Variants in SCN10A observed in about 807,000 individuals in gnomAD.
The protein encoded by SCN10A is sodium voltage-gated channel alpha subunit 10, also known as sodium channel protein type 10 subunit alpha.
Under a neutral mutation model 170.7 loss-of-function variants are expected in SCN10A, and 162 were observed. That is an observed-to-expected ratio of 0.95 (90% CI 0.84 to 1.08). The LOEUF (loss-of-function observed/expected upper bound fraction) is 1.08. Among genes scored for constraint, SCN10A ranks in the 50% least tolerant of loss-of-function variants. The probability of loss-of-function intolerance (pLI) is 0.00; values close to 1 mark genes in which losing one functional copy is unlikely to be tolerated. For missense variants in SCN10A, 2,527 were observed against 2,436.9 expected (o/e 1.04, Z -0.78); for synonymous variants, 985 against 904.6 (o/e 1.09, Z -1.59).
At chr3:38,725,377 G>A in intron 17 of SCN10A, 63 bp from the exon 18 acceptor site, 3 of 1,471,526 alleles carry the variant, frequency 2.0e-6, no homozygotes, top group South Asian at 2.9e-5. Flanking sequence ...TTCTAAATTT[G>A]AAGGGATCTT....
rs202192818 is a variant in SCN10A at position 38,771,406 on chromosome 3, A to C, written c.472T>G (p.Tyr158Asp). ...AAGGTGTAAATGACAGTGAAGACAT[A>C]TCTGGGAAGGAGGGTAGAAAAGGAG... ...TRTDLPEKIE[Y>D]VFTVIYTFEA... is the part of the protein sequence containing the mutation. Residue 158 changes from tyrosine (Y) to aspartate (D), a missense_variant and splice_region_variant, in exon 5 of 28, where the codon TAT (tyrosine) becomes GAT (aspartate). By Grantham distance (160) the Tyr-to-Asp change is radical. Coordinates refer to ENST00000449082, the MANE Select transcript of SCN10A (RefSeq NM_006514.4). 4.0e-4 allele frequency: 642 copies of C among 1,613,694 alleles called. 1 individual carries two copies. The highest frequency in any genetic ancestry group is 4.9e-4 in the Non-Finnish European group (583 of 1,179,790).
Position 38,698,280 on chromosome 3 carries a change from A to C in SCN10A, c.4940T>G (p.Phe1647Cys), listed in dbSNP as rs1193262126. Residue 1647 changes from phenylalanine to cysteine, a missense_variant, in exon 28 of 28, where the codon TTC (phenylalanine) becomes TGC (cysteine). Transcript: ENST00000449082. ...GAAGAGGCACAGCATGCTGTTGGCG[A>C]AGGTCTGGAAGTTGAACATGTCGTC... The part of the protein sequence containing the change: ...GIDDMFNFQT[F>C]ANSMLCLFQI... The C allele has an allele frequency of 6.2e-7, 1 of 1,614,126 alleles. No individual in the cohort carries two copies. The highest frequency in any genetic ancestry group is 8.5e-7 in the Non-Finnish European group (1 of 1,180,028).
intron 27 of SCN10A, among the ~76,000 whole-genome samples, chr3:38,699,709 G>T (rs2063137318): frequency 6.6e-6 from 1 of 151,932 alleles, no homozygotes; most frequent in African/African-American, 2.4e-5. Context: ...TACATTATTT[G>T]TCTACATACT....
chr3:38,809,998 C>G (rs1037933389), intron 1 of SCN10A, among the ~76,000 whole-genome samples: 5 of 152,130 alleles, frequency 3.3e-5, no homozygotes, highest in African/African-American at 1.2e-4. Context: ...ATGAATGCCA[C>G]ATACACATTG....
At chr3:38,767,968 C>G (rs938822892) in intron 5 of SCN10A, among the ~76,000 whole-genome samples, 16 of 151,720 alleles carry the variant, frequency 1.1e-4, no homozygotes, top group Admixed American at 5.3e-4. Flanking sequence ...TCCATTAGAC[C>G]AATTATTTTA....
intron 15 of SCN10A, among the ~76,000 whole-genome samples, chr3:38,729,937 G>C (rs555294563): frequency 3.3e-5 from 5 of 152,210 alleles, no homozygotes; most frequent in Non-Finnish European, 7.3e-5. Context: ...TGATGGGGGA[G>C]AGCGGGTCCA....
In SCN10A at chr3:38,793,777, G is replaced by C; in HGVS notation, c.234C>G (p.Pro78=). ...GELPAELIGE[P]LEDLDPFYST... Reference sequence around the variant, plus strand: ...TGTAGAACGGATCTAGATCCTCCAGGGGCTCCCCGATCAGTTCTGCTGGGA... The same window carrying C: ...TGTAGAACGGATCTAGATCCTCCAGCGGCTCCCCGATCAGTTCTGCTGGGA... Residue 78 remains proline, a synonymous_variant, in exon 2 of 28, where the codon CCC becomes CCG. Transcript: ENST00000449082. The C allele has an allele frequency of 6.2e-7, 1 of 1,613,780 alleles. No individual in the cohort carries two copies.
intron 19 of SCN10A, 75 bp downstream of exon 19, chr3:38,723,355 C>T (rs2063414989): frequency 7.0e-6 from 11 of 1,569,620 alleles, no homozygotes; most frequent in African/African-American, 1.3e-5. Context: ...CTGTGGATCC[C>T]AGGTGAGTGT....
intron 4 of SCN10A, among the ~76,000 whole-genome samples, chr3:38,782,465 C>T (rs1434799967): frequency 1.3e-5 from 2 of 152,034 alleles, no homozygotes. Flanking sequence ...TTTCCATTCT[C>T]TTTCTCTTTG....
rs989152020 is a variant in SCN10A, at chr3:38,772,584, G to A, written c.471-1177C>T. Among the ~76,000 whole-genome samples, 11 of 152,234 alleles carry A rather than the reference G, an allele frequency of 7.2e-5. No homozygotes were observed. The East Asian group carries it at 2.1e-3, about 29-fold the overall frequency. The stretch of plus-strand genomic sequence containing the variant: ...GGCACCTGTAGTTCCAGCTACTCCG[G>A]AGGCTGAGGCGGGAGAATGGCGTGA... On this transcript the variant is annotated intron_variant, in intron 4 of 27. Transcript: ENST00000449082.
At chr3:38,742,091 A>G (rs1009929394) in intron 14 of SCN10A, among the ~76,000 whole-genome samples, 200 bp downstream of exon 14, 4 of 152,270 alleles carry the variant, frequency 2.6e-5, no homozygotes, top group Middle Eastern at 3.4e-3. Context: ...CATTCCCACC[A>G]GCTCAGCCTG....
intron 20 of SCN10A, among the ~76,000 whole-genome samples, chr3:38,719,635 C>T (rs919447487): frequency 1.4e-4 from 21 of 151,820 alleles, no homozygotes; most frequent in African/African-American, 2.9e-4. Context: ...CCTCATGATC[C>T]GCCCGCCTCA....
At chr3:38,749,920 G>C (rs1299562158) in intron 13 of SCN10A, among the ~76,000 whole-genome samples, 153 bp downstream of exon 13, 1 of 152,216 alleles carries the variant, frequency 6.6e-6, no homozygotes, top group Non-Finnish European at 1.5e-5. Flanking sequence ...ATTGATAAAA[G>C]ATGGTGGGGC....
At position 38,697,441 on chromosome 3, in the gene SCN10A, C is replaced by T; in HGVS notation, c.5779G>A (p.Gly1927Ser). ...CTCATGTTGACTCTATCACTAAGGC[C>T]TCTAGTGACACTCTCATAGGACGGT... Reference protein sequence around the residue: ...FPPSYESVTRGLSDRVNMRTS... With the variant: ...FPPSYESVTRSLSDRVNMRTS... Residue 1927 changes from glycine to serine, a missense_variant, in exon 28 of 28, where the codon GGC becomes AGC. Coordinates refer to ENST00000449082, the MANE Select transcript of SCN10A (RefSeq NM_006514.4). 6.2e-7 allele frequency: 1 copy of T among 1,614,206 alleles called. No individual in the cohort carries two copies.
intron 9 of SCN10A, 29 bp from the exon 10 acceptor site, chr3:38,756,900 C>G: frequency 6.2e-7 from 1 of 1,612,762 alleles, no homozygotes; most frequent in Non-Finnish European, 8.5e-7. Context: ...GAAGAGAAAC[C>G]TGTACCCATA....
Position 38,782,337 on chromosome 3 carries a change from A to G in SCN10A, c.470+6619T>C, listed in dbSNP as rs2064147996. ...GGGGCGGTAAAATGCCTTTATTCTC[A>G]TTTTTATCCCCCTCTGGAGGCACCG... On this transcript the variant is annotated intron_variant, in intron 4 of 27. Transcript: ENST00000449082. Among the ~76,000 whole-genome samples the G allele has an allele frequency of 2.0e-5, 3 of 151,748 alleles. No homozygotes were observed. The South Asian group carries it at 6.2e-4, about 32-fold the overall frequency.
At chr3:38,711,370 G>A (rs1199966894) in intron 23 of SCN10A, among the ~76,000 whole-genome samples, 2 of 152,216 alleles carry the variant, frequency 1.3e-5, no homozygotes, top group Non-Finnish European at 2.9e-5. Context: ...TCTAGAAACT[G>A]GGTGTGCCTT....
At chr3:38,785,463 C>A (rs1294776324) in intron 4 of SCN10A, among the ~76,000 whole-genome samples, 1 of 152,140 alleles carries the variant, frequency 6.6e-6, no homozygotes, top group Non-Finnish European at 1.5e-5. Flanking sequence ...CTTCCTTATA[C>A]CTTACACAAA....
rs575996626 is a variant in SCN10A, at chr3:38,718,995, T to C, written c.3508-169A>G. Reference sequence around the variant, plus strand: ...GCTGTGGGGAGGTAAAGTGGGATAGTGGAGGAGGTACTGTGAGATCCAAAG... The same window carrying C: ...GCTGTGGGGAGGTAAAGTGGGATAGCGGAGGAGGTACTGTGAGATCCAAAG... On this transcript the variant is annotated intron_variant, in intron 20 of 27. Coordinates refer to ENST00000449082, the MANE Select transcript of SCN10A (RefSeq NM_006514.4). Among the ~76,000 whole-genome samples, 8 of 152,216 alleles carry C rather than the reference T, an allele frequency of 5.3e-5. No individual in the cohort carries two copies. In the South Asian group the frequency reaches 1.7e-3, roughly 32 times the overall value.
Sources: allele counts gnomAD v4.1 joint callset (sites outside exome capture counted in the v4.1 genomes callset), GRCh38; gene constraint gnomAD v4.1.1; transcripts MANE v1.5; gene names NCBI Gene and HGNC (gene_info 2026-07-23, HGNC 2026-07-21).